Variants in TTBK1 observed in about 807,000 individuals in gnomAD.
TTBK1 encodes the protein tau-tubulin kinase 1.
A neutral mutation model predicts 108.5 loss-of-function variants in TTBK1; 34 were observed. The observed-to-expected ratio is 0.31, with a 90% CI of 0.24 to 0.42. TTBK1 has a LOEUF of 0.42. Among genes scored for constraint, TTBK1 ranks in the 10% least tolerant of loss-of-function variants. TTBK1 has a pLI of 1.00. For synonymous variants in TTBK1, 809 were observed against 795.1 expected (o/e 1.02, Z -0.29); for missense variants, 1,539 against 1,826.0 (o/e 0.84, Z 2.86).
Position 43,269,882 on chromosome 6 carries a change from GCCCT to G in TTBK1, c.1986+6534_1986+6537del. On this transcript the variant is annotated intron_variant, in intron 13 of 14. Coordinates refer to ENST00000259750, the MANE Select transcript of TTBK1 (RefSeq NM_032538.3). The surrounding 1 kb of genome is among the most constrained non-coding windows in gnomAD (Gnocchi z 4.8). The stretch of plus-strand genomic sequence containing the variant: ...TCGCTGCTGGCAACCACAGACTCAT[GCCCT>G]CGGTGCTCCGCATCTCGCGGTCCCA... 1 of 1,524,008 alleles carries G rather than the reference GCCCT, an allele frequency of 6.6e-7. No individual in the cohort carries two copies. Among genetic ancestry groups the G allele is most frequent in the Non-Finnish European group, 8.8e-7 (1 of 1,139,864 alleles). The allele number at this position is 1,524,008 out of a possible 1,614,324, so 94.4% of individuals were successfully genotyped here. A position where few individuals can be genotyped will look rare whatever the true frequency, so the allele number is the denominator to read the frequency against.
chr6:43,282,997 G>T lies in TTBK1; in HGVS notation c.2257G>T (p.Glu753Ter). The T allele has an allele frequency of 1.2e-6, 2 of 1,600,122 alleles. No individual in the cohort carries two copies. Among genetic ancestry groups the T allele is most frequent in the Non-Finnish European group, 1.7e-6 (2 of 1,171,774 alleles). Residue 753 changes from glutamate to a stop codon, truncating the protein, a stop_gained, in exon 14 of 15, where the codon GAG (glutamate) becomes TAG (stop). Coordinates refer to ENST00000259750, the MANE Select transcript of TTBK1 (RefSeq NM_032538.3). LOFTEE classifies it high-confidence loss of function. The surrounding 1 kb of genome is among the most constrained non-coding windows in gnomAD (Gnocchi z 5.4). ...EEEEEDEEEE[E>*]EEEEEEEEEE... ...GGAAGAAGAGGATGAGGAAGAAGAA[G>T]AGGAGGAAGAGGAAGAGGAGGAGGA...
chr6:43,269,510 C>T lies in TTBK1; in HGVS notation c.1986+6160C>T. The stretch of plus-strand genomic sequence containing the variant: ...GGCGGGTGGTTTGCACCCTCCTCCA[C>T]CCTGCCTGACCCCGCCCACTTGCCC... On this transcript the variant is annotated intron_variant, in intron 13 of 14. Coordinates refer to ENST00000259750, the MANE Select transcript of TTBK1 (RefSeq NM_032538.3). This position sits in a 1 kb window ranked among gnomAD's most constrained non-coding sequence, Gnocchi z 4.8. 5 of 1,061,632 alleles carry T rather than the reference C, an allele frequency of 4.7e-6. No homozygotes were observed. The highest frequency in any genetic ancestry group is 5.2e-6 in the Non-Finnish European group (4 of 768,480). The allele number at this position is 1,061,632 out of a possible 1,614,324, so 65.8% of individuals were successfully genotyped here.
rs377730883 is a variant in TTBK1 at position 43,283,589 on chromosome 6, G to A, written c.2849G>A (p.Arg950Gln). 25 of 1,614,046 alleles carry A rather than the reference G, an allele frequency of 1.5e-5. No homozygotes were observed. The highest frequency in any genetic ancestry group is 5.3e-5 in the African/African-American group (4 of 74,936). The change falls in exon 14 of 15, where the codon CGG becomes CAG. Residue 950 changes from arginine (R) to glutamine (Q), a missense_variant. Physicochemically the swap from Arg to Gln is conservative, Grantham distance 43. Coordinates refer to ENST00000259750, the MANE Select transcript of TTBK1 (RefSeq NM_032538.3). This position sits in a 1 kb window ranked among gnomAD's most constrained non-coding sequence, Gnocchi z 8.1. The stretch of plus-strand genomic sequence containing the variant: ...ATGTCTTCCGGTGGACAAGCCTTGC[G>A]GTCTGAGGAGTTCAGCGCTGGGGGC... ...NVMSSGGQAL[R>Q]SEEFSAGGEL...
In TTBK1 at chr6:43,273,959, G is replaced by T. The variant is rs1282372472; in HGVS notation, c.1987-8768G>T. Among the ~76,000 whole-genome samples the T allele has an allele frequency of 6.6e-6, 1 of 152,114 alleles. No individual in the cohort carries two copies. Among genetic ancestry groups the T allele is most frequent in the African/African-American group, 2.4e-5 (1 of 41,426 alleles). On this transcript the variant is annotated intron_variant, in intron 13 of 14. Coordinates refer to ENST00000259750, the MANE Select transcript of TTBK1 (RefSeq NM_032538.3). This position sits in a 1 kb window ranked among gnomAD's most constrained non-coding sequence, Gnocchi z 4.2. ...CCAGGAACTCGAACCTGGCCAGTGGGGATGTGTGGTGTGTGCTGTGTTTAT... is the reference window on the plus strand; with the variant it reads ...CCAGGAACTCGAACCTGGCCAGTGGTGATGTGTGGTGTGTGCTGTGTTTAT...
Position 43,269,799 on chromosome 6 carries a change from C to A in TTBK1, c.1986+6449C>A. Reference sequence around the variant, plus strand: ...GGGCTCCTCCGGTTCCCTCATTCAGCGCAGCCGCTCGGCTGAGAGCAGCCC... The same window carrying A: ...GGGCTCCTCCGGTTCCCTCATTCAGAGCAGCCGCTCGGCTGAGAGCAGCCC... On this transcript the variant is annotated intron_variant, in intron 13 of 14. Transcript: ENST00000259750. The surrounding 1 kb of genome is among the most constrained non-coding windows in gnomAD (Gnocchi z 4.8). 6.4e-7 allele frequency: 1 copy of A among 1,554,886 alleles called. No individual in the cohort carries two copies. Among genetic ancestry groups the A allele is most frequent in the East Asian group, 2.4e-5 (1 of 41,860 alleles).
At chr6:43,247,090 G>C (rs916734812) in intron 2 of TTBK1, among the ~76,000 whole-genome samples, 1 of 152,192 alleles carries the variant, frequency 6.6e-6, no homozygotes, top group Non-Finnish European at 1.5e-5. Flanking sequence ...AAGAGGGGTG[G>C]GGGAGGGAGC....
In TTBK1 at chr6:43,259,596, C is replaced by G. The variant is rs551962191; in HGVS notation, c.1314C>G (p.Pro438=). ...MGVPSSPVRA[P]PDSPTTPVRS... ...TCCCCAGCTCCCCAGTGCGTGCCCC[C>G]CCAGACTCCCCCACAACCCCAGTCC... The change falls in exon 12 of 15, where the codon CCC becomes CCG. Residue 438 remains proline, a synonymous_variant. Coordinates refer to ENST00000259750, the MANE Select transcript of TTBK1 (RefSeq NM_032538.3). The surrounding 1 kb of genome is among the most constrained non-coding windows in gnomAD (Gnocchi z 6.7). 1.2e-5 allele frequency: 19 copies of G among 1,611,716 alleles called. No homozygotes were observed. The highest frequency in any genetic ancestry group is 3.3e-4 in the Middle Eastern group (2 of 6,052).
At chr6:43,275,913 G>A (rs1327964310) in intron 13 of TTBK1, among the ~76,000 whole-genome samples, 2 of 152,090 alleles carry the variant, frequency 1.3e-5, no homozygotes, top group African/African-American at 4.8e-5. Context: ...GGGGCTCCGG[G>A]CCCTCAGAGT....
At position 43,263,605 on chromosome 6, in the gene TTBK1, G is replaced by C. The variant is rs10807288; in HGVS notation, c.1986+255G>C. 0.24 allele frequency among the ~76,000 whole-genome samples: 36,011 copies of C among 152,168 alleles called. 4,437 individuals carry two copies. The highest frequency in any genetic ancestry group is 0.36 in the East Asian group (1,840 of 5,164). On this transcript the variant is annotated intron_variant, in intron 13 of 14. Coordinates refer to ENST00000259750, the MANE Select transcript of TTBK1 (RefSeq NM_032538.3). The surrounding 1 kb of genome is among the most constrained non-coding windows in gnomAD (Gnocchi z 4.7). ...GAAGCCAAGTGACAAGGCAGGAGAA[G>C]GGCCTCGCAGGCCACGGGCACAGTG...
intron 13 of TTBK1, chr6:43,272,281 C>T (rs1456419083): frequency 1.0e-6 from 1 of 985,386 alleles, no homozygotes; most frequent in African/African-American, 1.7e-5. Flanking sequence ...CACTACTCAA[C>T]CCTGAGCACA....
At chr6:43,278,044 T>C (rs2841659) in intron 13 of TTBK1, among the ~76,000 whole-genome samples, 72,451 of 151,970 alleles carry the variant, frequency 0.48, 19,983 homozygotes, top group African/African-American at 0.78. Context: ...ACTTTGGGAC[T>C]GTGGGCCGGG....
rs1777648294 is a variant in TTBK1 at position 43,265,329 on chromosome 6, G to A, written c.1986+1979G>A. 6.6e-6 allele frequency among the ~76,000 whole-genome samples: 1 copy of A among 152,214 alleles called. No homozygotes were observed. The highest frequency in any genetic ancestry group is 6.5e-5 in the Admixed American group (1 of 15,292). On this transcript the variant is annotated intron_variant, in intron 13 of 14. Coordinates refer to ENST00000259750, the MANE Select transcript of TTBK1 (RefSeq NM_032538.3). The surrounding 1 kb of genome is among the most constrained non-coding windows in gnomAD (Gnocchi z 4.1). ...CTGGGAAAAGCAGCTGTGGGCAGGA[G>A]TGTATGCAGACCCCATCCCTATCTA...
chr6:43,267,778 C>G (rs764263149), intron 13 of TTBK1, among the ~76,000 whole-genome samples: 1 of 152,106 alleles, frequency 6.6e-6, no homozygotes, highest in Admixed American at 6.6e-5. Context: ...CTGCCTTTAC[C>G]GGTTGTCTCT....
chr6:43,270,268 T>A, intron 13 of TTBK1: 1 of 1,136,134 alleles, frequency 8.8e-7, no homozygotes, highest in Non-Finnish European at 1.1e-6. Context: ...CAGAGTCCAG[T>A]GGAAAGAGAG....
intron 1 of TTBK1, among the ~76,000 whole-genome samples, chr6:43,244,843 C>T (rs1401908845): frequency 6.6e-6 from 1 of 152,280 alleles, no homozygotes; most frequent in East Asian, 1.9e-4. Context: ...TGTCCTCAAC[C>T]TGTCTCCTCC....
At chr6:43,245,187 G>C (rs190086239) in intron 1 of TTBK1, among the ~76,000 whole-genome samples, 1 of 152,138 alleles carries the variant, frequency 6.6e-6, no homozygotes, top group Non-Finnish European at 1.5e-5. Context: ...TTCATCCCAA[G>C]GAAAGGTGGG....
intron 1 of TTBK1, 22 bp from the exon 2 acceptor site, chr6:43,246,585 C>G (rs1341988139): frequency 1.7e-6 from 2 of 1,211,416 alleles, no homozygotes; most frequent in African/African-American, 3.0e-5. Flanking sequence ...CCCGCCCTCA[C>G]AGGCCCTCCT....
At chr6:43,258,977 G>A in intron 10 of TTBK1, 61 bp from the exon 11 acceptor site, 1 of 1,311,222 alleles carries the variant, frequency 7.6e-7, no homozygotes, top group Non-Finnish European at 1.1e-6. Context: ...GTAGGAGAGG[G>A]CCATGGAAGG....
chr6:43,256,182 C>G (rs1156458558), intron 9 of TTBK1, among the ~76,000 whole-genome samples: 1 of 150,928 alleles, frequency 6.6e-6, no homozygotes. Context: ...GTCACCCAGG[C>G]TGGAGTGCAG....
Sources: allele counts gnomAD v4.1 joint callset (sites outside exome capture counted in the v4.1 genomes callset), GRCh38; gene constraint gnomAD v4.1.1; non-coding constraint Gnocchi (gnomAD v3.1); transcripts MANE v1.5; gene names NCBI Gene and HGNC (gene_info 2026-07-23, HGNC 2026-07-21).